SCHIP1: variants seen among roughly 807,000 people sequenced by gnomAD.
SCHIP1 encodes schwannomin interacting protein 1, also known as schwannomin-interacting protein 1.
In SCHIP1, 8 loss-of-function variants were observed where a neutral mutation model predicts 29.7. The ratio of observed to expected loss-of-function variants is 0.27; its 90% CI spans 0.16 to 0.49. The LOEUF is 0.49. Among genes scored for constraint, SCHIP1 ranks in the 20% least tolerant of loss-of-function variants. SCHIP1 has a pLI of 0.99. For missense variants in SCHIP1, 193 were observed against 294.6 expected (o/e 0.66, Z 2.52); for synonymous variants, 76 against 94.9 (o/e 0.80, Z 1.16).
the SCHIP1 span, among the ~76,000 whole-genome samples, chr3:159,735,971 C>T: frequency 6.6e-6 from 1 of 152,038 alleles, no homozygotes; most frequent in Non-Finnish European, 1.5e-5. Context: ...ATGATAATAA[C>T]ACTTATGCAC....
At chr3:159,710,431 A>G in the SCHIP1 span, among the ~76,000 whole-genome samples, 1 of 151,824 alleles carries the variant, frequency 6.6e-6, no homozygotes, top group Non-Finnish European at 1.5e-5. Context: ...GTCAAAGGGT[A>G]CAAAGTTTCA....
chr3:159,583,901 T>A, the SCHIP1 span, among the ~76,000 whole-genome samples: 1 of 152,196 alleles, frequency 6.6e-6, no homozygotes, highest in Admixed American at 6.6e-5. Context: ...GGCTCTTTAT[T>A]CTCTCGCTGA....
chr3:159,339,912 G>A, the SCHIP1 span, among the ~76,000 whole-genome samples: 7 of 152,034 alleles, frequency 4.6e-5, no homozygotes, highest in East Asian at 1.9e-4. Flanking sequence ...GGTGCAAAAC[G>A]TCTAAGATAT....
At chr3:159,578,607 G>A in the SCHIP1 span, among the ~76,000 whole-genome samples, 3 of 152,042 alleles carry the variant, frequency 2.0e-5, no homozygotes, top group Non-Finnish European at 2.9e-5. Context: ...TAACATCAAG[G>A]TTCAGCAGAA....
At chr3:159,760,337 C>CA in the SCHIP1 span, among the ~76,000 whole-genome samples, 1 of 152,150 alleles carries the variant, frequency 6.6e-6, no homozygotes, top group Non-Finnish European at 1.5e-5. Context: ...GAAGTAGCTG[C>CA]AAGGAGACCC....
the SCHIP1 span, among the ~76,000 whole-genome samples, chr3:159,721,347 CA>C: frequency 6.6e-6 from 1 of 152,148 alleles, no homozygotes; most frequent in East Asian, 1.9e-4. Flanking sequence ...TGCTTTATTT[CA>C]AAAAGTTACA....
At chr3:159,352,162 T>A in the SCHIP1 span, among the ~76,000 whole-genome samples, 2 of 152,162 alleles carry the variant, frequency 1.3e-5, no homozygotes, top group African/African-American at 2.4e-5. Context: ...GTAGCAGGCA[T>A]CACGATGATC....
At chr3:159,323,220 T>G in the SCHIP1 span, among the ~76,000 whole-genome samples, 1 of 152,238 alleles carries the variant, frequency 6.6e-6, no homozygotes, top group East Asian at 1.9e-4. Flanking sequence ...TTTAGATTTT[T>G]AAAAAGTAAT....
the SCHIP1 span, among the ~76,000 whole-genome samples, chr3:159,810,576 T>C: frequency 3.3e-5 from 5 of 152,252 alleles, no homozygotes; most frequent in African/African-American, 4.8e-5. Context: ...ATCCAATCTT[T>C]TACATCTGGC....
the SCHIP1 span, among the ~76,000 whole-genome samples, chr3:159,599,770 G>GT: frequency 6.6e-6 from 1 of 152,140 alleles, no homozygotes; most frequent in African/African-American, 2.4e-5. Flanking sequence ...TACTGGTACT[G>GT]TTTGAGGCTT....
chr3:159,490,319 A>G, the SCHIP1 span, among the ~76,000 whole-genome samples: 1 of 152,236 alleles, frequency 6.6e-6, no homozygotes, highest in African/African-American at 2.4e-5. Context: ...TGGAATGTTA[A>G]GGCTAACTTT....
At chr3:159,477,708 C>T in the SCHIP1 span, among the ~76,000 whole-genome samples, 1 of 152,082 alleles carries the variant, frequency 6.6e-6, no homozygotes, top group Non-Finnish European at 1.5e-5. Flanking sequence ...TTGCAAACAA[C>T]TTTTCCCATT....
the SCHIP1 span, among the ~76,000 whole-genome samples, chr3:159,283,025 C>G: frequency 9.2e-5 from 14 of 151,894 alleles, no homozygotes; most frequent in Non-Finnish European, 1.8e-4. Context: ...AGAACTGATA[C>G]CTTTGCAAAT....
the SCHIP1 span, among the ~76,000 whole-genome samples, chr3:159,340,793 C>T: frequency 7.9e-5 from 12 of 151,926 alleles, no homozygotes; most frequent in South Asian, 2.1e-4. Flanking sequence ...TTTGGGGGGG[C>T]GCAGAGAATG....
At chr3:159,611,534 T>TG in the SCHIP1 span, among the ~76,000 whole-genome samples, 3 of 11,844 alleles carry the variant, frequency 2.5e-4, no homozygotes, top group South Asian at 4.0e-3. Context: ...TGTTGGGGGG[T>TG]GGGGGGGAAG....
chr3:159,409,188 A>G, the SCHIP1 span, among the ~76,000 whole-genome samples: 85 of 152,320 alleles, frequency 5.6e-4, no homozygotes, highest in South Asian at 2.7e-3. Context: ...ATCACAGTGA[A>G]TGAGGAAAAA....
chr3:159,857,787 A>T (rs896711542), intron 1 of SCHIP1, among the ~76,000 whole-genome samples: 1 of 152,084 alleles, frequency 6.6e-6, no homozygotes, highest in East Asian at 1.9e-4. Flanking sequence ...TGCGCCAAGC[A>T]CTTTCTATAT....
chr3:159,432,333 T>A, the SCHIP1 span, among the ~76,000 whole-genome samples: 2,086 of 82,532 alleles, frequency 0.025, 33 homozygotes, highest in African/African-American at 0.064. Context: ...TGTGTGTGTG[T>A]GTGTGTGAGA....
chr3:159,798,671 T>A, the SCHIP1 span, among the ~76,000 whole-genome samples: 1 of 152,056 alleles, frequency 6.6e-6, no homozygotes, highest in Non-Finnish European at 1.5e-5. Flanking sequence ...GGCACGAGAA[T>A]CGCTTCAACC....
Sources: gnomAD v4.1 joint callset for allele counts (sites outside exome capture counted in the v4.1 genomes callset) on GRCh38, gnomAD v4.1.1 for gene constraint, MANE v1.5 for transcripts, NCBI Gene and HGNC (gene_info 2026-07-23, HGNC 2026-07-21) for gene names.